Variants in CSMD1 observed in about 807,000 individuals in gnomAD.
CSMD1 encodes CUB and Sushi multiple domains 1.
In CSMD1, 213 loss-of-function variants were observed where a neutral mutation model predicts 417.5. The ratio of observed to expected loss-of-function variants is 0.51; its 90% CI spans 0.46 to 0.57. CSMD1 has a LOEUF of 0.57. Ranked by LOEUF, CSMD1 falls within the 20% of genes least tolerant of loss-of-function variation. The pLI is 0.00. For synonymous variants in CSMD1, 2,862 were observed against 1,736.8 expected (o/e 1.65, Z -16.11); for missense variants, 6,923 against 4,529.7 (o/e 1.53, Z -15.17).
At chr8:3,903,351 C>A (rs1807891156) in intron 5 of CSMD1, among the ~76,000 whole-genome samples, 1 of 151,992 alleles carries the variant, frequency 6.6e-6, no homozygotes, top group Non-Finnish European at 1.5e-5. Context: ...ATGTACTCAA[C>A]CTACAGGGTT....
At chr8:4,379,535 G>A (rs1214146400) in intron 3 of CSMD1, among the ~76,000 whole-genome samples, 13 of 152,156 alleles carry the variant, frequency 8.5e-5, no homozygotes, top group Non-Finnish European at 1.6e-4. Context: ...AGTATATATA[G>A]GATGTCTGTA....
At chr8:4,472,063 T>C (rs530560005) in intron 2 of CSMD1, among the ~76,000 whole-genome samples, 1 of 152,338 alleles carries the variant, frequency 6.6e-6, no homozygotes, top group Non-Finnish European at 1.5e-5. Flanking sequence ...AATGCTTAGC[T>C]GGGAAACTTG....
intron 2 of CSMD1, among the ~76,000 whole-genome samples, chr8:4,569,065 G>C (rs1239892913): frequency 6.6e-6 from 1 of 152,042 alleles, no homozygotes; most frequent in Non-Finnish European, 1.5e-5. Flanking sequence ...CATTCTGTAG[G>C]TTGCCTGTTC....
intron 1 of CSMD1, among the ~76,000 whole-genome samples, chr8:4,780,104 G>T (rs759792578): frequency 6.6e-6 from 1 of 152,142 alleles, no homozygotes; most frequent in Non-Finnish European, 1.5e-5. Flanking sequence ...CCCGCGTTTT[G>T]TATTTTAGCA....
At chr8:3,904,693 G>C (rs1468662459) in intron 5 of CSMD1, among the ~76,000 whole-genome samples, 2 of 143,702 alleles carry the variant, frequency 1.4e-5, no homozygotes, top group Non-Finnish European at 3.0e-5. Flanking sequence ...TTGGACTGCA[G>C]TGGTGCTATC....
chr8:3,636,459 T>C (rs1797053230), intron 7 of CSMD1, among the ~76,000 whole-genome samples: 1 of 152,186 alleles, frequency 6.6e-6, no homozygotes, highest in African/African-American at 2.4e-5. Context: ...ATTACAGGTG[T>C]GAGCCACCTC....
intron 23 of CSMD1, among the ~76,000 whole-genome samples, chr8:3,317,948 C>T (rs149414086): frequency 1.3e-5 from 2 of 152,212 alleles, no homozygotes; most frequent in Non-Finnish European, 1.5e-5. Context: ...GTAGCTGGGA[C>T]CACAGATGTG....
chr8:3,143,037 T>C (rs1017434415), intron 40 of CSMD1, among the ~76,000 whole-genome samples: 4 of 152,218 alleles, frequency 2.6e-5, no homozygotes, highest in Non-Finnish European at 5.9e-5. Flanking sequence ...TATGACAATC[T>C]TAAATATGAA....
At chr8:2,959,592 A>C (rs975049178) in intron 62 of CSMD1, among the ~76,000 whole-genome samples, 2 of 152,188 alleles carry the variant, frequency 1.3e-5, no homozygotes, top group Non-Finnish European at 2.9e-5. Context: ...GAGCCACTGC[A>C]AACTGATTAT....
chr8:4,564,713 T>C (rs898926564), intron 2 of CSMD1, among the ~76,000 whole-genome samples: 8 of 152,206 alleles, frequency 5.3e-5, no homozygotes, highest in African/African-American at 1.9e-4. Context: ...CATACCCTGA[T>C]AATAGTGAGG....
At chr8:3,632,732 A>G (rs1435385414) in intron 7 of CSMD1, among the ~76,000 whole-genome samples, 1 of 146,144 alleles carries the variant, frequency 6.8e-6, no homozygotes, top group Admixed American at 7.0e-5. Context: ...AGATGACCAC[A>G]CCAATGTCCT....
chr8:4,500,920 T>A (rs935565563), intron 2 of CSMD1, among the ~76,000 whole-genome samples: 1 of 152,170 alleles, frequency 6.6e-6, no homozygotes, highest in Non-Finnish European at 1.5e-5. Flanking sequence ...TAACCAGTGA[T>A]CTTTTACAAC....
intron 10 of CSMD1, among the ~76,000 whole-genome samples, chr8:3,561,323 C>T (rs1391790387): frequency 6.6e-6 from 1 of 152,180 alleles, no homozygotes; most frequent in Non-Finnish European, 1.5e-5. Context: ...ACGAAAAAGA[C>T]ACCCGCACTC....
chr8:4,146,594 ATTTTTTTTTTTTTTTTTTTTT>A (rs71205423), intron 3 of CSMD1, among the ~76,000 whole-genome samples: 5 of 64,244 alleles, frequency 7.8e-5, no homozygotes, highest in Admixed American at 6.7e-4. Flanking sequence ...ATATGGACAC[ATTTTTTTTTTTTTTTTTTTTT>A]TTTTTTTTTT....
At chr8:3,719,363 G>T (rs528032415) in intron 6 of CSMD1, among the ~76,000 whole-genome samples, 1 of 152,074 alleles carries the variant, frequency 6.6e-6, no homozygotes, top group Admixed American at 6.6e-5. Context: ...CACAGCCTCG[G>T]ATTTTTTCAT....
chr8:4,727,328 A>G (rs1395855289), intron 1 of CSMD1, among the ~76,000 whole-genome samples: 1 of 152,216 alleles, frequency 6.6e-6, no homozygotes, highest in Non-Finnish European at 1.5e-5. Context: ...TGAGAAACCC[A>G]TGAACAAAGA....
chr8:2,944,932 G>A (rs981439298), intron 68 of CSMD1, among the ~76,000 whole-genome samples: 2 of 152,108 alleles, frequency 1.3e-5, no homozygotes, highest in South Asian at 2.1e-4. Flanking sequence ...GAAAATCTAC[G>A]TGTCACAAGA....
rs142540194 is a variant in CSMD1 at position 4,926,275 on chromosome 8, A to C, written c.85+68057T>G. On this transcript the variant is annotated intron_variant, in intron 1 of 69. Coordinates refer to ENST00000635120, the MANE Select transcript of CSMD1 (RefSeq NM_033225.6). ...AATAAATGGATGTATCACAGAGTTA[A>C]ACATGAATTTTTTTTGGTTCTAACG... 1.6e-3 allele frequency among the ~76,000 whole-genome samples: 245 copies of C among 152,302 alleles called. 1 individual carries two copies. Among genetic ancestry groups the C allele is most frequent in the African/African-American group, 5.6e-3 (234 of 41,574 alleles).
At chr8:3,944,419 T>C (rs1811088622) in intron 5 of CSMD1, among the ~76,000 whole-genome samples, 1 of 152,156 alleles carries the variant, frequency 6.6e-6, no homozygotes, top group Non-Finnish European at 1.5e-5. Flanking sequence ...GTGATTCTTC[T>C]TCATATTCAA....
Sources: allele counts gnomAD v4.1 joint callset (sites outside exome capture counted in the v4.1 genomes callset), GRCh38; gene constraint gnomAD v4.1.1; transcripts MANE v1.5; gene names NCBI Gene and HGNC (gene_info 2026-07-23, HGNC 2026-07-21).